GLIS2: variants seen among roughly 807,000 people sequenced by gnomAD.
The protein encoded by GLIS2 is GLIS family zinc finger 2, also known as zinc finger protein GLIS2.
A neutral mutation model predicts 35.6 loss-of-function variants in GLIS2; 14 were observed. The ratio of observed to expected loss-of-function variants is 0.39; its 90% CI spans 0.26 to 0.61. GLIS2 has a LOEUF of 0.61. GLIS2 is among the 20% of genes least tolerant of loss of function. The pLI, the probability that GLIS2 is intolerant of heterozygous loss-of-function variation, is 0.48. For missense variants in GLIS2, 675 were observed against 713.4 expected, an observed-to-expected ratio of 0.95 and a Z score of 0.61; for synonymous variants, 368 against 325.1, an observed-to-expected ratio of 1.13 and a Z score of -1.42.
intron 1 of GLIS2, among the ~76,000 whole-genome samples, chr16:4,319,157 G>A (rs1240989526): frequency 6.6e-6 from 1 of 152,096 alleles, no homozygotes; most frequent in Non-Finnish European, 1.5e-5. Context: ...GGGCGGGGGT[G>A]GCTGCAGAGA....
At chr16:4,316,352 C>T (rs1168370956) in intron 1 of GLIS2, among the ~76,000 whole-genome samples, 98 bp downstream of exon 1, 1 of 142,828 alleles carries the variant, frequency 7.0e-6, no homozygotes, top group Non-Finnish European at 1.5e-5. Context: ...CGAGGGTCTC[C>T]TCCCCCGCTC....
chr16:4,319,078 GC>G (rs1461681485), intron 1 of GLIS2, among the ~76,000 whole-genome samples: 18 of 152,134 alleles, frequency 1.2e-4, no homozygotes, highest in African/African-American at 3.9e-4. Context: ...CTAAGGGGAG[GC>G]CCAGGGGTCT....
chr16:4,334,452 G>C (rs2053528463), intron 3 of GLIS2, among the ~76,000 whole-genome samples: 1 of 151,570 alleles, frequency 6.6e-6, no homozygotes, highest in African/African-American at 2.4e-5. Context: ...TGGCCAGGCT[G>C]ATCTTGAACT....
chr16:4,335,002 T>A lies in GLIS2; in HGVS notation c.522+25T>A. 1 of 1,613,160 alleles carries A rather than the reference T, an allele frequency of 6.2e-7. No individual in the cohort carries two copies. On this transcript the variant is annotated intron_variant, in intron 4 of 6. Coordinates refer to ENST00000433375, the MANE Select transcript of GLIS2 (RefSeq NM_032575.3). The surrounding 1 kb of genome is among the most constrained non-coding windows in gnomAD (Gnocchi z 4.6). ...GGTGAGTGGGGGCCAGCAAGAGTAGTGTGGAGTCTGGGGCAGGTCACCCCG... is the reference window on the plus strand; with the variant it reads ...GGTGAGTGGGGGCCAGCAAGAGTAGAGTGGAGTCTGGGGCAGGTCACCCCG...
In GLIS2 at chr16:4,335,624, G is replaced by C. The variant is rs1056271362; in HGVS notation, c.775+231G>C. 2.2e-4 allele frequency among the ~76,000 whole-genome samples: 34 copies of C among 152,192 alleles called. No individual in the cohort carries two copies. The highest frequency in any genetic ancestry group is 7.7e-4 in the African/African-American group (32 of 41,452). On this transcript the variant is annotated intron_variant, in intron 6 of 6. Transcript: ENST00000433375. This position sits in a 1 kb window ranked among gnomAD's most constrained non-coding sequence, Gnocchi z 4.6. ...CTTGGAGCACCAATGCCATTTCCTG[G>C]TTCCCGTGGGTATCTTCTGACTAAT...
chr16:4,335,357 C>G lies in GLIS2; in HGVS notation c.739C>G (p.Leu247Val), dbSNP rs1343271807. Residue 247 changes from leucine to valine, a missense_variant, in exon 6 of 7, where the codon CTG (leucine) becomes GTG (valine). Leu to Val is a conservative substitution (Grantham distance 32, BLOSUM62 1). Coordinates refer to ENST00000433375, the MANE Select transcript of GLIS2 (RefSeq NM_032575.3). The surrounding 1 kb of genome is among the most constrained non-coding windows in gnomAD (Gnocchi z 4.6). ...GACCTGCAGCAAGAGCTTCTCCCGC[C>G]TGGAGAACCTGAAGATCCACAACCG... Reference protein sequence around the residue: ...CPTCSKSFSRLENLKIHNRSH... With the variant: ...CPTCSKSFSRVENLKIHNRSH... 6.2e-7 allele frequency: 1 copy of G among 1,613,756 alleles called. No individual in the cohort carries two copies. Among genetic ancestry groups the G allele is most frequent in the Non-Finnish European group, 8.5e-7 (1 of 1,180,030 alleles).
At chr16:4,324,350 C>T (rs2053408605) in intron 1 of GLIS2, among the ~76,000 whole-genome samples, 1 of 152,218 alleles carries the variant, frequency 6.6e-6, no homozygotes, top group Admixed American at 6.5e-5. Context: ...CTGTCTGCGG[C>T]CAGCTCCTTC....
At chr16:4,330,987 T>A (rs1438091452) in intron 1 of GLIS2, among the ~76,000 whole-genome samples, 1 of 152,202 alleles carries the variant, frequency 6.6e-6, no homozygotes, top group East Asian at 1.9e-4. Context: ...GTTTGTTTGT[T>A]TGTTTTTGAG....
rs1395525730 is a variant in GLIS2, at chr16:4,320,428, T to G, written c.-67+4174T>G. ...TCGTCGGAGGCCGGTGGGGGGAAAC[T>G]GAGGCTCTGAGACATTTGAGGGTTT... On this transcript the variant is annotated intron_variant, in intron 1 of 6. Transcript: ENST00000433375. This position sits in a 1 kb window ranked among gnomAD's most constrained non-coding sequence, Gnocchi z 5.6. 1.3e-5 allele frequency among the ~76,000 whole-genome samples: 2 copies of G among 152,008 alleles called. No homozygotes were observed. The highest frequency in any genetic ancestry group is 2.4e-5 in the African/African-American group (1 of 41,304).
chr16:4,315,943 C>T (rs2053305272), upstream of GLIS2, among the ~76,000 whole-genome samples: 1 of 149,156 alleles, frequency 6.7e-6, no homozygotes, highest in African/African-American at 2.4e-5. Flanking sequence ...GGCCGCCCCC[C>T]GCGCCCCTCC....
At chr16:4,318,074 A>C (rs2053335174) in intron 1 of GLIS2, among the ~76,000 whole-genome samples, 1 of 151,964 alleles carries the variant, frequency 6.6e-6, no homozygotes. Flanking sequence ...ACCAATGGGG[A>C]GGGGGTGCCC....
At chr16:4,336,347 A>G in intron 6 of GLIS2, 1 of 421,494 alleles carries the variant, frequency 2.4e-6, no homozygotes, top group South Asian at 2.2e-5. Context: ...GGGTCTCACC[A>G]TGTTGGCCCT....
intron 1 of GLIS2, among the ~76,000 whole-genome samples, chr16:4,321,830 G>C (rs944862389): frequency 6.6e-6 from 1 of 152,308 alleles, no homozygotes; most frequent in South Asian, 2.1e-4. Flanking sequence ...GGAGGCCTGG[G>C]GCTGAAGGTC....
In GLIS2 at chr16:4,327,430, TGTC is replaced by T. The variant is rs200684422; in HGVS notation, c.-66-4784_-66-4782del. Among the ~76,000 whole-genome samples the T allele has an allele frequency of 8.4e-3, 1,274 of 152,356 alleles. 13 individuals are homozygous for T. The highest frequency in any genetic ancestry group is 0.02 in the Middle Eastern group (6 of 294). Reference sequence around the variant, plus strand: ...CAGGCCAAGGGGCCCTGGAAGAGACTGTCTTTTCCGGGCCTTAGTTTCCCTGAG... The same window carrying T: ...CAGGCCAAGGGGCCCTGGAAGAGACTTTTTCCGGGCCTTAGTTTCCCTGAG... On this transcript the variant is annotated intron_variant, in intron 1 of 6. Transcript: ENST00000433375.
rs1385571194 is a variant in GLIS2, at chr16:4,332,390, A to G, written c.110A>G (p.His37Arg). 1 of 1,612,856 alleles carries G rather than the reference A, an allele frequency of 6.2e-7. No homozygotes were observed. Among genetic ancestry groups the G allele is most frequent in the Non-Finnish European group, 8.5e-7 (1 of 1,180,014 alleles). Residue 37 changes from histidine (H) to arginine (R), a missense_variant, in exon 2 of 7, where the codon CAC (histidine) becomes CGC (arginine). His to Arg is a conservative substitution (Grantham distance 29, BLOSUM62 0). Coordinates refer to ENST00000433375, the MANE Select transcript of GLIS2 (RefSeq NM_032575.3). The surrounding 1 kb of genome is among the most constrained non-coding windows in gnomAD (Gnocchi z 5.4). ...GGTGTGGTCCGGCCCCGTGCTCTGC[A>G]CAGGGAGCTGGGCCTGGTGGATGAC... ...TLGVVRPRAL[H>R]RELGLVDDSP...
chr16:4,330,752 C>T (rs1302981822), intron 1 of GLIS2, among the ~76,000 whole-genome samples: 10 of 152,228 alleles, frequency 6.6e-5, no homozygotes, highest in Admixed American at 5.9e-4. Flanking sequence ...AGCCAGTTCC[C>T]GGGAGATCTG....
At chr16:4,325,505 G>C (rs1401171056) in intron 1 of GLIS2, among the ~76,000 whole-genome samples, 1 of 152,132 alleles carries the variant, frequency 6.6e-6, no homozygotes, top group African/African-American at 2.4e-5. Flanking sequence ...TCAGCCCTCA[G>C]TTTCCCCATC....
chr16:4,332,146 T>C lies in GLIS2; in HGVS notation c.-66-69T>C. On this transcript the variant is annotated intron_variant, in intron 1 of 6. Transcript: ENST00000433375. The surrounding 1 kb of genome is among the most constrained non-coding windows in gnomAD (Gnocchi z 5.4). ...CCCCCTGCTCCTGCTCCTGTTAGAC[T>C]GTCATGAGTACAGCCCGAGGAGAAG... 9.0e-7 allele frequency: 1 copy of C among 1,115,738 alleles called. No individual in the cohort carries two copies. The highest frequency in any genetic ancestry group is 2.6e-5 in the East Asian group (1 of 38,898). 69.1% of individuals were successfully genotyped at this position (1,115,738 alleles called of 1,614,324 possible).
chr16:4,327,484 A>G (rs1420541639), intron 1 of GLIS2, among the ~76,000 whole-genome samples: 1 of 152,012 alleles, frequency 6.6e-6, no homozygotes, highest in Non-Finnish European at 1.5e-5. Context: ...CGTGCCTTCC[A>G]GTAGGGAGGG....
Sources: gnomAD v4.1 joint callset for allele counts (sites outside exome capture counted in the v4.1 genomes callset) on GRCh38, gnomAD v4.1.1 for gene constraint, Gnocchi (gnomAD v3.1) non-coding constraint, MANE v1.5 for transcripts, NCBI Gene and HGNC (gene_info 2026-07-23, HGNC 2026-07-21) for gene names.